RELN: variants seen among roughly 807,000 people sequenced by gnomAD.
RELN encodes reelin.
Under a neutral mutation model 427.6 loss-of-function variants are expected in RELN, and 108 were observed. That is an observed-to-expected ratio of 0.25 (90% CI 0.22 to 0.30). The LOEUF (loss-of-function observed/expected upper bound fraction) is 0.30. Among genes scored for constraint, RELN ranks in the 10% least tolerant of loss-of-function variants. The pLI is 1.00. For synonymous variants in RELN, 1,524 were observed against 1,513.4 expected, an observed-to-expected ratio of 1.01 and a Z score of -0.16; for missense variants, 3,715 against 4,302.8, an observed-to-expected ratio of 0.86 and a Z score of 3.82.
intron 1 of RELN, among the ~76,000 whole-genome samples, chr7:103,929,380 G>A (rs895312753): frequency 6.6e-6 from 1 of 152,102 alleles, no homozygotes; most frequent in Non-Finnish European, 1.5e-5. Flanking sequence ...GTGAAAGAAG[G>A]TGAATAACCT....
At chr7:103,896,205 C>T (rs907171553) in intron 2 of RELN, among the ~76,000 whole-genome samples, 2 of 152,090 alleles carry the variant, frequency 1.3e-5, no homozygotes, top group African/African-American at 4.8e-5. Flanking sequence ...AGAGCAATTG[C>T]AACTCTAATG....
At chr7:103,856,019 C>T (rs769542072) in intron 2 of RELN, among the ~76,000 whole-genome samples, 8 of 152,104 alleles carry the variant, frequency 5.3e-5, no homozygotes, top group Non-Finnish European at 8.8e-5. Flanking sequence ...AAGAAGAACC[C>T]AAGGAACTGC....
intron 1 of RELN, among the ~76,000 whole-genome samples, chr7:103,971,407 A>G (rs1480545237): frequency 6.6e-6 from 1 of 152,208 alleles, no homozygotes; most frequent in Non-Finnish European, 1.5e-5. Flanking sequence ...AAAAGAGAAA[A>G]CTTTAAAAAT....
At chr7:103,775,245 C>G (rs1410988857) in intron 4 of RELN, among the ~76,000 whole-genome samples, 1 of 152,056 alleles carries the variant, frequency 6.6e-6, no homozygotes, top group Non-Finnish European at 1.5e-5. Context: ...AATTCTTGAG[C>G]CTACCTACAA....
At chr7:103,778,134 T>C (rs1300324546) in intron 3 of RELN, among the ~76,000 whole-genome samples, 1 of 152,242 alleles carries the variant, frequency 6.6e-6, no homozygotes, top group Non-Finnish European at 1.5e-5. Context: ...TTCAGAAAGC[T>C]GAAAATGTGG....
intron 2 of RELN, among the ~76,000 whole-genome samples, chr7:103,843,728 C>T (rs1481073448): frequency 6.6e-6 from 1 of 152,152 alleles, no homozygotes; most frequent in African/African-American, 2.4e-5. Flanking sequence ...AAGTCAAATG[C>T]TGTTCTCCCA....
chr7:103,865,070 G>A (rs996253981), intron 2 of RELN, among the ~76,000 whole-genome samples: 9 of 148,474 alleles, frequency 6.1e-5, no homozygotes, highest in African/African-American at 2.0e-4. Context: ...GAAGGCAGAG[G>A]TGGCAATGAG....
At chr7:103,508,205 A>G (rs1829280335) in intron 51 of RELN, among the ~76,000 whole-genome samples, 1 of 152,196 alleles carries the variant, frequency 6.6e-6, no homozygotes, top group African/African-American at 2.4e-5. Context: ...TCATCCTGCT[A>G]CCAAAACCTG....
intron 16 of RELN, among the ~76,000 whole-genome samples, chr7:103,647,402 AT>A (rs1193273640): frequency 1.3e-5 from 2 of 152,038 alleles, no homozygotes; most frequent in East Asian, 3.9e-4. Context: ...AGGAACATTT[AT>A]ATATAACGAT....
intron 64 of RELN, among the ~76,000 whole-genome samples, chr7:103,473,943 A>G (rs1224739456): frequency 6.6e-6 from 1 of 152,164 alleles, no homozygotes; most frequent in Non-Finnish European, 1.5e-5. Context: ...AATGTACATA[A>G]TGTCATGTGA....
chr7:103,697,823 A>C, intron 10 of RELN, 30 bp downstream of exon 10: 2 of 1,613,246 alleles, frequency 1.2e-6, no homozygotes, highest in Non-Finnish European at 1.7e-6. Flanking sequence ...GAAGGATTAA[A>C]ACAACCCAAA....
intron 8 of RELN, among the ~76,000 whole-genome samples, chr7:103,720,676 T>C (rs1391982460): frequency 6.6e-6 from 1 of 152,156 alleles, no homozygotes; most frequent in Non-Finnish European, 1.5e-5. Flanking sequence ...AAAATGGCTA[T>C]TATGGCTGCT....
chr7:103,966,432 CG>C (rs1181061737), intron 1 of RELN, among the ~76,000 whole-genome samples: 4 of 152,146 alleles, frequency 2.6e-5, no homozygotes, highest in African/African-American at 9.7e-5. Context: ...GAGGAAACCC[CG>C]GAAGACATGC....
intron 2 of RELN, among the ~76,000 whole-genome samples, chr7:103,876,703 G>A (rs538256299): frequency 2.1e-4 from 32 of 151,956 alleles, no homozygotes; most frequent in Non-Finnish European, 3.8e-4. Flanking sequence ...AATATACTAT[G>A]TGATGCTTAA....
At chr7:103,548,274 TTG>T (rs1243069158) in intron 41 of RELN, among the ~76,000 whole-genome samples, 1 of 152,226 alleles carries the variant, frequency 6.6e-6, no homozygotes, top group Non-Finnish European at 1.5e-5. Context: ...AATACACTTT[TTG>T]TGTGTATTTC....
At chr7:103,902,526 A>T (rs1795106351) in intron 2 of RELN, among the ~76,000 whole-genome samples, 1 of 152,110 alleles carries the variant, frequency 6.6e-6, no homozygotes, top group African/African-American at 2.4e-5. Flanking sequence ...GAAAACATGT[A>T]GGAAGAAAAG....
chr7:103,962,850 T>C (rs1444900928), intron 1 of RELN, among the ~76,000 whole-genome samples: 1 of 152,206 alleles, frequency 6.6e-6, no homozygotes, highest in East Asian at 1.9e-4. Flanking sequence ...AAAACTATTA[T>C]GAGTTTAGCT....
chr7:103,494,474 G>A (rs900701141), intron 57 of RELN, among the ~76,000 whole-genome samples: 5 of 151,068 alleles, frequency 3.3e-5, no homozygotes, highest in African/African-American at 7.3e-5. Flanking sequence ...CACTGGGCTC[G>A]AGTGATTCTT....
chr7:103,566,047 C>T lies in RELN; in HGVS notation c.4936+177G>A, dbSNP rs138852790. Among the ~76,000 whole-genome samples the T allele has an allele frequency of 7.2e-3, 1,089 of 152,200 alleles. 8 individuals are homozygous for T. The highest frequency in any genetic ancestry group is 0.011 in the Non-Finnish European group (746 of 67,998). On this transcript the variant is annotated intron_variant, in intron 33 of 64. Coordinates refer to ENST00000428762, the MANE Select transcript of RELN (RefSeq NM_005045.4). ...TGTGAAAGACAGTTCCAACAAAAAC[C>T]GTCACTAGGATCACCAAGTTGTCTT... is the stretch of plus-strand genomic sequence containing the variant.
Sources: allele counts gnomAD v4.1 joint callset (sites outside exome capture counted in the v4.1 genomes callset), GRCh38; gene constraint gnomAD v4.1.1; transcripts MANE v1.5; gene names NCBI Gene and HGNC (gene_info 2026-07-23, HGNC 2026-07-21).